GPALPP1: variants seen among roughly 807,000 people sequenced by gnomAD.
The protein encoded by GPALPP1 is GPALPP motifs-containing protein 1.
A neutral mutation model predicts 38.9 loss-of-function variants in GPALPP1; 30 were observed. The observed-to-expected ratio is 0.77, with a 90% CI of 0.58 to 1.05. The LOEUF is 1.05. Among genes scored for constraint, GPALPP1 ranks in the 50% least tolerant of loss-of-function variants. GPALPP1 has a pLI of 0.00. For missense variants in GPALPP1, 384 were observed against 408.8 expected, an observed-to-expected ratio of 0.94 and a Z score of 0.52; for synonymous variants, 120 against 139.2, an observed-to-expected ratio of 0.86 and a Z score of 0.97.
At chr13:44,996,809 TC>T (rs202040316) in intron 1 of GPALPP1, among the ~76,000 whole-genome samples, 5,872 of 118,332 alleles carry the variant, frequency 0.05, 1,142 homozygotes, top group East Asian at 0.14. Context: ...TTTTTTTTTT[TC>T]CAGTTTTTAA....
chr13:45,027,914 T>C lies in GPALPP1; in HGVS notation c.934T>C (p.Phe312Leu). The change falls in exon 8 of 8, where the codon TTT becomes CTT. Residue 312 changes from phenylalanine to leucine, a missense_variant. Transcript: ENST00000379151. ...DRDKDLKVNR[F>L]DEAQKKALIK... Reference sequence around the variant, plus strand: ...TGATAAAGATCTCAAGGTTAATCGGTTTGATGAAGCTCAGAAAAAAGCCCT... The same window carrying C: ...TGATAAAGATCTCAAGGTTAATCGGCTTGATGAAGCTCAGAAAAAAGCCCT... The C allele has an allele frequency of 6.2e-7, 1 of 1,611,222 alleles. No homozygotes were observed. Among genetic ancestry groups the C allele is most frequent in the Non-Finnish European group, 8.5e-7 (1 of 1,177,544 alleles).
At chr13:45,007,738 A>G (rs1874197905) in intron 3 of GPALPP1, among the ~76,000 whole-genome samples, 1 of 152,234 alleles carries the variant, frequency 6.6e-6, no homozygotes, top group Non-Finnish European at 1.5e-5. Flanking sequence ...CTGATAGAAC[A>G]TGGTGCAACC....
chr13:45,014,699 G>C (rs1408284336), intron 4 of GPALPP1, among the ~76,000 whole-genome samples: 1 of 152,192 alleles, frequency 6.6e-6, no homozygotes. Context: ...AGAGAGTGAG[G>C]TCTGTCATGG....
At chr13:45,003,178 C>G (rs1465276338) in intron 1 of GPALPP1, among the ~76,000 whole-genome samples, 1 of 152,118 alleles carries the variant, frequency 6.6e-6, no homozygotes, top group Admixed American at 6.5e-5. Flanking sequence ...TGAAGTTAGG[C>G]AAGTCACTTA....
chr13:45,024,955 A>C (rs1875732925), intron 7 of GPALPP1, among the ~76,000 whole-genome samples: 1 of 152,132 alleles, frequency 6.6e-6, no homozygotes, highest in African/African-American at 2.4e-5. Flanking sequence ...TCTTTTAGTG[A>C]AAGACTTTTT....
intron 2 of GPALPP1, among the ~76,000 whole-genome samples, chr13:45,004,693 G>A (rs1223944979): frequency 6.6e-6 from 1 of 152,128 alleles, no homozygotes; most frequent in Non-Finnish European, 1.5e-5. Context: ...TGGCGCACAT[G>A]CTGGAGTGAT....
At chr13:45,018,770 C>T (rs1875062401) in intron 6 of GPALPP1, among the ~76,000 whole-genome samples, 1 of 151,384 alleles carries the variant, frequency 6.6e-6, no homozygotes, top group Admixed American at 6.6e-5. Flanking sequence ...AGCATATGCT[C>T]TAGAATATTC....
intron 7 of GPALPP1, among the ~76,000 whole-genome samples, chr13:45,024,222 C>A (rs1875652202): frequency 9.6e-6 from 1 of 104,596 alleles, no homozygotes; most frequent in Non-Finnish European, 1.8e-5. Context: ...GAGACTGAGT[C>A]TCAATCTTCA....
At position 44,995,343 on chromosome 13, in the gene GPALPP1, C is replaced by CT. The variant is rs200722059; in HGVS notation, c.88+5610dup. 8.6e-5 allele frequency among the ~76,000 whole-genome samples: 13 copies of CT among 151,406 alleles called. No individual in the cohort carries two copies. The East Asian group carries it at 1.2e-3, about 14-fold the overall frequency. On this transcript the variant is annotated intron_variant, in intron 1 of 7. Coordinates refer to ENST00000379151, the MANE Select transcript of GPALPP1 (RefSeq NM_018559.5). ...TTCTGAAAGCTGACTCCTAAGCCCTCTTTTTTTTTAATACTCTATTCTCTC... is the reference window on the plus strand; with the variant it reads ...TTCTGAAAGCTGACTCCTAAGCCCTCTTTTTTTTTTAATACTCTATTCTCTC...
chr13:44,996,365 A>C (rs973218509), intron 1 of GPALPP1, among the ~76,000 whole-genome samples: 11 of 152,060 alleles, frequency 7.2e-5, no homozygotes, highest in African/African-American at 2.4e-4. Context: ...AAAAAAAAAA[A>C]AAAATTCCTT....
chr13:45,028,319 T>A lies in GPALPP1; in HGVS notation c.*316T>A, dbSNP rs531988373. On this transcript the variant is annotated 3_prime_UTR_variant, in exon 8 of 8. Coordinates refer to ENST00000379151, the MANE Select transcript of GPALPP1 (RefSeq NM_018559.5). Reference sequence around the variant, plus strand: ...GTAAATATGCATGCTTTATTAAAGATGAAGAAAGGCTTGCTGGTTGTTTGT... The same window carrying A: ...GTAAATATGCATGCTTTATTAAAGAAGAAGAAAGGCTTGCTGGTTGTTTGT... 3.7e-5 allele frequency: 6 copies of A among 162,698 alleles called. 1 individual carries two copies. The highest frequency in any genetic ancestry group is 6.0e-3 in the Middle Eastern group (2 of 332). The allele number at this position is 162,698 out of a possible 1,614,324, so 10.1% of individuals were successfully genotyped here. A position where few individuals can be genotyped will look rare whatever the true frequency, so the allele number is the denominator to read the frequency against.
At position 45,005,762 on chromosome 13, in the gene GPALPP1, C is replaced by T. The variant is rs546329415; in HGVS notation, c.222-440C>T. ...GTCGTAGGCCAGGTGCAGTGGCTCA[C>T]GCCTGTAATCCCAGCACTTTGGAAG... On this transcript the variant is annotated intron_variant, in intron 2 of 7. Coordinates refer to ENST00000379151, the MANE Select transcript of GPALPP1 (RefSeq NM_018559.5). Among the ~76,000 whole-genome samples the T allele has an allele frequency of 1.5e-4, 23 of 152,258 alleles. No homozygotes were observed. In the South Asian group the frequency reaches 2.7e-3, roughly 18 times the overall value.
rs71431311 is a variant in GPALPP1 at position 44,994,765 on chromosome 13, G to T, written c.88+5023G>T. On this transcript the variant is annotated intron_variant, in intron 1 of 7. Coordinates refer to ENST00000379151, the MANE Select transcript of GPALPP1 (RefSeq NM_018559.5). ...TGAAATTATTTATTCGTGGTTTTTT[G>T]TTGTTGTTGTTGATTTAGGGTCATT... Among the ~76,000 whole-genome samples the T allele has an allele frequency of 7.3e-3, 1,114 of 152,056 alleles. 7 individuals are homozygous for T. Among genetic ancestry groups the T allele is most frequent in the Non-Finnish European group, 0.013 (908 of 67,960 alleles).
At chr13:44,996,449 A>G (rs1163521724) in intron 1 of GPALPP1, among the ~76,000 whole-genome samples, 4 of 150,912 alleles carry the variant, frequency 2.7e-5, no homozygotes, top group Non-Finnish European at 5.9e-5. Flanking sequence ...AATCCTTTGT[A>G]TGGAGTCTGG....
At chr13:45,002,376 A>G (rs1873755200) in intron 1 of GPALPP1, 2 of 152,270 alleles carry the variant, frequency 1.3e-5, no homozygotes, top group Admixed American at 1.3e-4. Context: ...TCTGGTGCTG[A>G]TCAGCAGTGG....
chr13:45,008,816 G>A lies in GPALPP1; in HGVS notation c.345G>A (p.Leu115=). 6.3e-7 allele frequency: 1 copy of A among 1,590,932 alleles called. No individual in the cohort carries two copies. Among genetic ancestry groups the A allele is most frequent in the Non-Finnish European group, 8.6e-7 (1 of 1,159,024 alleles). Residue 115 remains leucine (L), a synonymous_variant, in exon 4 of 8, where the codon TTG becomes TTA. Transcript: ENST00000379151. ...TCAGGCCCATAATAGGTCCTGCATTGCCACCTGGTTTCATTAAATCTACAC... is the reference window on the plus strand; with the variant it reads ...TCAGGCCCATAATAGGTCCTGCATTACCACCTGGTTTCATTAAATCTACAC... The part of the protein sequence containing the change: ...SPPRPIIGPA[L]PPGFIKSTQK...
intron 4 of GPALPP1, chr13:45,009,147 C>T: frequency 4.0e-6 from 2 of 500,282 alleles, no homozygotes; most frequent in South Asian, 2.0e-5. Context: ...TGAAGGGGGA[C>T]TTTAAGGTGT....
At chr13:44,991,828 C>T (rs1780463638) in intron 1 of GPALPP1, among the ~76,000 whole-genome samples, 1 of 152,220 alleles carries the variant, frequency 6.6e-6, no homozygotes, top group African/African-American at 2.4e-5. Context: ...TCTTTCATAA[C>T]TGGCTTCCTA....
At chr13:45,008,773 A>G (rs934191158) in intron 3 of GPALPP1, 22 bp from the exon 4 acceptor site, 5 of 1,307,280 alleles carry the variant, frequency 3.8e-6, no homozygotes, top group Non-Finnish European at 5.5e-6. Context: ...GGAGAATGAT[A>G]AAAGTACATT....
Sources: allele counts gnomAD v4.1 joint callset (sites outside exome capture counted in the v4.1 genomes callset), GRCh38; gene constraint gnomAD v4.1.1; transcripts MANE v1.5; gene names NCBI Gene and HGNC (gene_info 2026-07-23, HGNC 2026-07-21).